ST3GAL1: variants seen among roughly 807,000 people sequenced by gnomAD.
ST3GAL1 encodes CMP-N-acetylneuraminate-beta-galactosamide-alpha-2,3-sialyltransferase 1.
Under a neutral mutation model 34.1 loss-of-function variants are expected in ST3GAL1, and 16 were observed. That is an observed-to-expected ratio of 0.47 (90% CI 0.32 to 0.71). The LOEUF (loss-of-function observed/expected upper bound fraction) is 0.71, where lower values mean the gene tolerates loss of function less well. ST3GAL1 is among the 30% of genes least tolerant of loss of function. The pLI, the probability that ST3GAL1 is intolerant of heterozygous loss-of-function variation, is 0.04. For synonymous variants in ST3GAL1, 191 were observed against 184.7 expected (o/e 1.03, Z -0.28); for missense variants, 353 against 447.4 (o/e 0.79, Z 1.90).
chr8:133,529,915 A>G (rs1518896), intron 2 of ST3GAL1, among the ~76,000 whole-genome samples: 147,478 of 152,240 alleles, frequency 0.97, 71,528 homozygotes, highest in East Asian at 1. Context: ...TGCTGCCAGC[A>G]CTCCCCAGCC....
chr8:133,569,478 T>A (rs1819503000), intron 1 of ST3GAL1, among the ~76,000 whole-genome samples: 1 of 152,200 alleles, frequency 6.6e-6, no homozygotes, highest in South Asian at 2.1e-4. Flanking sequence ...ATTATTGGCC[T>A]CATTTTGCAG....
chr8:133,549,688 C>T (rs1181720451), intron 1 of ST3GAL1, among the ~76,000 whole-genome samples: 4 of 152,148 alleles, frequency 2.6e-5, no homozygotes, highest in East Asian at 1.9e-4. Context: ...ACTCGCCAGG[C>T]GTGGTGGCTC....
chr8:133,498,958 C>T (rs796088827), intron 3 of ST3GAL1, among the ~76,000 whole-genome samples, 177 bp downstream of exon 3: 5 of 152,370 alleles, frequency 3.3e-5, no homozygotes, highest in African/African-American at 1.2e-4. Flanking sequence ...CACCACCCTT[C>T]TGAATTTTTG....
intron 2 of ST3GAL1, chr8:133,539,515 C>T (rs937870230): frequency 7.9e-5 from 12 of 152,262 alleles, no homozygotes; most frequent in African/African-American, 2.6e-4. Flanking sequence ...AAGAAAACTC[C>T]CAAATTGTAT....
intron 1 of ST3GAL1, among the ~76,000 whole-genome samples, chr8:133,555,920 A>C (rs1247946095): frequency 6.6e-6 from 1 of 151,980 alleles, no homozygotes; most frequent in Non-Finnish European, 1.5e-5. Context: ...TTGAGACAGA[A>C]TTTCACTTTG....
chr8:133,561,335 G>A (rs576360165), intron 1 of ST3GAL1, among the ~76,000 whole-genome samples: 136 of 152,100 alleles, frequency 8.9e-4, no homozygotes, highest in African/African-American at 2.7e-3. Flanking sequence ...ACATGTCTCC[G>A]AGTGCCATGA....
In ST3GAL1 at chr8:133,458,196, C is replaced by A. The variant is rs1474075906; in HGVS notation, c.*1568G>T. ...TCCCACGTCCGAGGACTCCTACAAA[C>A]CTCCCTTAAGCACCCCCACCTAATT... On this transcript the variant is annotated 3_prime_UTR_variant, in exon 10 of 10. Coordinates refer to ENST00000522652, the MANE Select transcript of ST3GAL1 (RefSeq NM_173344.3). 1 of 152,192 alleles carries A rather than the reference C, an allele frequency of 6.6e-6. No homozygotes were observed. The highest frequency in any genetic ancestry group is 1.5e-5 in the Non-Finnish European group (1 of 68,046). 9.4% of individuals were successfully genotyped at this position (152,192 alleles called of 1,614,324 possible).
intron 2 of ST3GAL1, among the ~76,000 whole-genome samples, chr8:133,523,535 A>C (rs1439359555): frequency 6.6e-6 from 1 of 152,212 alleles, no homozygotes; most frequent in Non-Finnish European, 1.5e-5. Context: ...GGAAGGATGC[A>C]TCAGGAGTTC....
chr8:133,560,412 A>G (rs899299431), intron 1 of ST3GAL1, among the ~76,000 whole-genome samples: 5 of 151,944 alleles, frequency 3.3e-5, no homozygotes, highest in Non-Finnish European at 7.4e-5. Context: ...AGAATGTAAC[A>G]GGCTAAATAA....
Position 133,505,971 on chromosome 8 carries a change from T to C in ST3GAL1, c.-428-6782A>G, listed in dbSNP as rs1817323436. ...TCAGTTGCACTCATTAATTAACTAA[T>C]TAATGCCACTAATTAAATTAACTGA... is the stretch of plus-strand genomic sequence containing the variant. On this transcript the variant is annotated intron_variant, in intron 2 of 9. Transcript: ENST00000522652. 4.6e-5 allele frequency among the ~76,000 whole-genome samples: 7 copies of C among 152,296 alleles called. No homozygotes were observed. The South Asian group carries it at 1.5e-3, about 32-fold the overall frequency.
chr8:133,525,769 G>A (rs577594739), intron 2 of ST3GAL1, among the ~76,000 whole-genome samples: 36 of 152,240 alleles, frequency 2.4e-4, no homozygotes, highest in African/African-American at 6.3e-4. Flanking sequence ...GCTGGGTTGC[G>A]ACAGCACCCA....
Position 133,461,071 on chromosome 8 carries a change from TGGGTG to T in ST3GAL1, c.849+799_849+803del, listed in dbSNP as rs1476202622. The stretch of plus-strand genomic sequence containing the variant: ...GGGTCTGGGACCAGCTGGCTGGAGG[TGGGTG>T]GGGTGGGGAAATGACAGGGGCACCC... On this transcript the variant is annotated intron_variant, in intron 9 of 9. Coordinates refer to ENST00000522652, the MANE Select transcript of ST3GAL1 (RefSeq NM_173344.3). This position sits in a 1 kb window ranked among gnomAD's most constrained non-coding sequence, Gnocchi z 4.7. 6.6e-6 allele frequency among the ~76,000 whole-genome samples: 1 copy of T among 150,712 alleles called. No homozygotes were observed. The highest frequency in any genetic ancestry group is 2.4e-5 in the African/African-American group (1 of 40,870).
intron 3 of ST3GAL1, among the ~76,000 whole-genome samples, chr8:133,480,875 G>A (rs1321068465): frequency 6.6e-6 from 1 of 152,104 alleles, no homozygotes; most frequent in African/African-American, 2.4e-5. Context: ...TTCTTGCTGT[G>A]CCTACTCTAT....
intron 2 of ST3GAL1, among the ~76,000 whole-genome samples, chr8:133,511,216 A>G (rs1484941184): frequency 1.3e-5 from 2 of 152,248 alleles, no homozygotes; most frequent in Non-Finnish European, 2.9e-5. Context: ...TGCTAAGGAC[A>G]GGAAAGCAAG....
intron 3 of ST3GAL1, among the ~76,000 whole-genome samples, chr8:133,488,952 AG>A (rs1816700144): frequency 6.6e-6 from 1 of 152,172 alleles, no homozygotes; most frequent in Non-Finnish European, 1.5e-5. Flanking sequence ...GGAAGGCCAG[AG>A]GGAGAGAGGG....
chr8:133,570,727 C>A lies in ST3GAL1; in HGVS notation c.-582+966G>T, dbSNP rs980571147. On this transcript the variant is annotated intron_variant, in intron 1 of 9. Transcript: ENST00000522652. This position sits in a 1 kb window ranked among gnomAD's most constrained non-coding sequence, Gnocchi z 5.6. ...AACACTCGCGCAGAGAAAGGAGGAG[C>A]GGAAAGTTGCGCCACCGTCCCGATT... 6.6e-6 allele frequency among the ~76,000 whole-genome samples: 1 copy of A among 152,094 alleles called. No homozygotes were observed. Among genetic ancestry groups the A allele is most frequent in the Non-Finnish European group, 1.5e-5 (1 of 68,026 alleles).
At chr8:133,479,685 G>A (rs566057184) in intron 3 of ST3GAL1, among the ~76,000 whole-genome samples, 36 of 152,254 alleles carry the variant, frequency 2.4e-4, no homozygotes, top group African/African-American at 8.2e-4. Flanking sequence ...TAGGGATGGC[G>A]TGAGAGGCAG....
chr8:133,499,770 A>T (rs1817087828), intron 2 of ST3GAL1, among the ~76,000 whole-genome samples: 1 of 152,190 alleles, frequency 6.6e-6, no homozygotes, highest in Admixed American at 6.5e-5. Context: ...GAGGTCGAGC[A>T]GCTCGGCGTA....
chr8:133,500,498 G>C (rs982979161), intron 2 of ST3GAL1, among the ~76,000 whole-genome samples: 2 of 152,162 alleles, frequency 1.3e-5, no homozygotes, highest in African/African-American at 4.8e-5. Flanking sequence ...ATAGGGAGGA[G>C]ACACAGCTTA....
Sources: allele counts gnomAD v4.1 joint callset (sites outside exome capture counted in the v4.1 genomes callset), GRCh38; gene constraint gnomAD v4.1.1; non-coding constraint Gnocchi (gnomAD v3.1); transcripts MANE v1.5; gene names NCBI Gene and HGNC (gene_info 2026-07-23, HGNC 2026-07-21).